Variants in MMP16 observed in about 807,000 individuals in gnomAD.
The protein encoded by MMP16 is matrix metalloproteinase-16.
A neutral mutation model predicts 67.8 loss-of-function variants in MMP16; 12 were observed. That is an observed-to-expected ratio of 0.18 (90% CI 0.11 to 0.29). The LOEUF (loss-of-function observed/expected upper bound fraction) is 0.29. Among genes scored for constraint, MMP16 ranks in the 10% least tolerant of loss-of-function variants. The pLI, the probability that MMP16 is intolerant of heterozygous loss-of-function variation, is 1.00. For synonymous variants in MMP16, 249 were observed against 255.9 expected (o/e 0.97, Z 0.26); for missense variants, 475 against 765.7 (o/e 0.62, Z 4.48).
intron 1 of MMP16, among the ~76,000 whole-genome samples, chr8:88,265,764 T>C (rs1275484361): frequency 6.6e-6 from 1 of 152,168 alleles, no homozygotes; most frequent in Non-Finnish European, 1.5e-5. Context: ...ATAATGTAAC[T>C]AGAACAAAAA....
At chr8:88,263,901 T>C (rs549486563) in intron 1 of MMP16, among the ~76,000 whole-genome samples, 2 of 152,060 alleles carry the variant, frequency 1.3e-5, no homozygotes, top group East Asian at 1.9e-4. Flanking sequence ...CCACAAAATG[T>C]GTAGTACGCC....
chr8:88,056,774 A>G (rs1052741194), intron 7 of MMP16, among the ~76,000 whole-genome samples: 5 of 152,092 alleles, frequency 3.3e-5, no homozygotes, highest in African/African-American at 7.2e-5. Context: ...AAGTCTCCCT[A>G]GTCTTATACA....
chr8:88,200,713 AT>A (rs913794732), intron 1 of MMP16, among the ~76,000 whole-genome samples: 16 of 151,986 alleles, frequency 1.1e-4, no homozygotes, highest in Non-Finnish European at 2.2e-4. Context: ...GAATTCATTA[AT>A]TCATAAATAT....
chr8:88,286,294 T>C (rs1810830876), intron 1 of MMP16, among the ~76,000 whole-genome samples: 1 of 152,208 alleles, frequency 6.6e-6, no homozygotes, highest in Non-Finnish European at 1.5e-5. Context: ...CCTGTCTTCA[T>C]AGTATACTTT....
intron 1 of MMP16, among the ~76,000 whole-genome samples, chr8:88,301,039 T>C (rs1047277159): frequency 1.3e-5 from 2 of 152,222 alleles, no homozygotes; most frequent in Non-Finnish European, 1.5e-5. Context: ...ATCACTTAAA[T>C]CTTTATTTTT....
chr8:88,157,382 A>G (rs932134409), intron 4 of MMP16, among the ~76,000 whole-genome samples: 10 of 152,014 alleles, frequency 6.6e-5, no homozygotes, highest in Non-Finnish European at 1.3e-4. Context: ...ACCATCTTAT[A>G]TAAGGGACTT....
intron 1 of MMP16, among the ~76,000 whole-genome samples, chr8:88,246,454 G>C (rs1810113796): frequency 6.6e-6 from 1 of 152,186 alleles, no homozygotes; most frequent in Non-Finnish European, 1.5e-5. Flanking sequence ...TCACCTTGAA[G>C]ACTGTGTAGC....
chr8:88,272,065 T>C (rs1017574854), intron 1 of MMP16, among the ~76,000 whole-genome samples: 1 of 152,178 alleles, frequency 6.6e-6, no homozygotes, highest in African/African-American at 2.4e-5. Context: ...ATAAACTACA[T>C]TAATAACATA....
At chr8:88,214,925 C>A (rs1586208674) in intron 1 of MMP16, among the ~76,000 whole-genome samples, 1 of 152,156 alleles carries the variant, frequency 6.6e-6, no homozygotes, top group South Asian at 2.1e-4. Context: ...AATAAGTGAG[C>A]CTCCTTCAGT....
At chr8:88,211,500 T>C (rs972373904) in intron 1 of MMP16, among the ~76,000 whole-genome samples, 8 of 152,152 alleles carry the variant, frequency 5.3e-5, no homozygotes, top group African/African-American at 1.4e-4. Context: ...TGTATGAGTA[T>C]ACAAGTGTAC....
intron 1 of MMP16, among the ~76,000 whole-genome samples, chr8:88,214,337 C>A (rs1809555720): frequency 6.6e-6 from 1 of 152,172 alleles, no homozygotes; most frequent in Non-Finnish European, 1.5e-5. Flanking sequence ...CCATCAAATT[C>A]CAAATCTGAA....
At chr8:88,173,513 T>C (rs1808838762) in intron 3 of MMP16, among the ~76,000 whole-genome samples, 1 of 152,126 alleles carries the variant, frequency 6.6e-6, no homozygotes, top group Non-Finnish European at 1.5e-5. Context: ...CTCAATTAAA[T>C]AGATAAAAAT....
intron 7 of MMP16, among the ~76,000 whole-genome samples, chr8:88,061,153 C>G (rs1808395019): frequency 6.6e-6 from 1 of 151,366 alleles, no homozygotes; most frequent in Admixed American, 6.6e-5. Flanking sequence ...CACACACACA[C>G]ACACACACAC....
intron 8 of MMP16, among the ~76,000 whole-genome samples, chr8:88,047,531 A>G (rs1808213967): frequency 6.6e-6 from 1 of 152,192 alleles, no homozygotes; most frequent in African/African-American, 2.4e-5. Context: ...GAGAAAAGTG[A>G]GGAGCAATAC....
chr8:88,210,634 G>A (rs538619118), intron 1 of MMP16, among the ~76,000 whole-genome samples: 1 of 152,208 alleles, frequency 6.6e-6, no homozygotes, highest in Middle Eastern at 3.4e-3. Context: ...GCAAAGATTA[G>A]CAGCTTCCCA....
chr8:88,252,373 C>T (rs748601994), intron 1 of MMP16, among the ~76,000 whole-genome samples: 160 of 151,954 alleles, frequency 1.1e-3, no homozygotes, highest in Non-Finnish European at 2.0e-3. Flanking sequence ...AACTGTAGCC[C>T]TCCAACTGAT....
Position 88,327,464 on chromosome 8 carries a change from T to G in MMP16, c.-258A>C. On this transcript the variant is annotated 5_prime_UTR_variant, in exon 1 of 10. Coordinates refer to ENST00000286614, the MANE Select transcript of MMP16 (RefSeq NM_005941.5). ...AGTCACCGGGAACGTGGCGCCTAAG[T>G]TCACCGGCGGTTCCGGCTCAAAGAG... is the stretch of plus-strand genomic sequence containing the variant. 1 of 464,466 alleles carries G rather than the reference T, an allele frequency of 2.2e-6. No individual in the cohort carries two copies. Among genetic ancestry groups the G allele is most frequent in the Non-Finnish European group, 4.0e-6 (1 of 252,408 alleles). The allele number at this position is 464,466 out of a possible 1,614,324, so 28.8% of individuals were successfully genotyped here. A position where few individuals can be genotyped will look rare whatever the true frequency, so the allele number is the denominator to read the frequency against.
At chr8:88,321,860 A>G (rs1366772245) in intron 1 of MMP16, among the ~76,000 whole-genome samples, 1 of 152,192 alleles carries the variant, frequency 6.6e-6, no homozygotes, top group African/African-American at 2.4e-5. Flanking sequence ...CCAGGTTAGC[A>G]AAAGAACCTG....
intron 4 of MMP16, among the ~76,000 whole-genome samples, chr8:88,146,611 T>C (rs1375481884): frequency 6.6e-6 from 1 of 152,012 alleles, no homozygotes; most frequent in Non-Finnish European, 1.5e-5. Context: ...CATAGTACTA[T>C]ATTTCTGTGT....
Sources: gnomAD v4.1 joint callset for allele counts (sites outside exome capture counted in the v4.1 genomes callset) on GRCh38, gnomAD v4.1.1 for gene constraint, MANE v1.5 for transcripts, NCBI Gene and HGNC (gene_info 2026-07-23, HGNC 2026-07-21) for gene names.